The following DPYD variants were observed in gnomAD, a reference collection of about 807,000 sequenced individuals.
The protein encoded by DPYD is dihydropyrimidine dehydrogenase, also known as dihydropyrimidine dehydrogenase [NADP(+)].
In DPYD, 109 loss-of-function variants were observed where a neutral mutation model predicts 116.2. The ratio of observed to expected loss-of-function variants is 0.94; its 90% confidence interval spans 0.80 to 1.10. The LOEUF is 1.10. Ranked by LOEUF, DPYD falls within the 50% of genes least tolerant of loss-of-function variation. DPYD has a pLI of 0.00. For synonymous variants in DPYD, 440 were observed against 432.0 expected (o/e 1.02, Z -0.23); for missense variants, 1,302 against 1,254.5 (o/e 1.04, Z -0.57).
intron 13 of DPYD, among the ~76,000 whole-genome samples, chr1:97,476,510 T>A (rs1422770996): frequency 6.6e-6 from 1 of 152,128 alleles, no homozygotes; most frequent in African/African-American, 2.4e-5. Context: ...AATTTAATGA[T>A]AAAACTATGC....
chr1:97,308,332 ACCCTC>A (rs1178380028), intron 16 of DPYD: 2 of 151,776 alleles, frequency 1.3e-5, no homozygotes, highest in African/African-American at 4.8e-5. Flanking sequence ...AGTAAATTTG[ACCCTC>A]CATGAGTAAA....
At chr1:97,255,571 T>A (rs1663396523) in intron 18 of DPYD, among the ~76,000 whole-genome samples, 1 of 152,174 alleles carries the variant, frequency 6.6e-6, no homozygotes. Flanking sequence ...CTGTCATGAT[T>A]GTGAGGCTTC....
chr1:97,712,341 C>T (rs981986539), intron 5 of DPYD, among the ~76,000 whole-genome samples: 2 of 151,940 alleles, frequency 1.3e-5, no homozygotes, highest in South Asian at 4.2e-4. Context: ...CTATCCAGCC[C>T]AAAACTGACC....
intron 3 of DPYD, among the ~76,000 whole-genome samples, chr1:97,785,523 C>A (rs1180687698): frequency 6.6e-6 from 1 of 152,090 alleles, no homozygotes; most frequent in African/African-American, 2.4e-5. Context: ...CATCCATCAA[C>A]AGTCTTCAAT....
At chr1:97,339,576 T>C (rs552717822) in intron 16 of DPYD, among the ~76,000 whole-genome samples, 1 of 152,220 alleles carries the variant, frequency 6.6e-6, no homozygotes, top group East Asian at 1.9e-4. Flanking sequence ...CAATCAAGAA[T>C]TCAGAAAATA....
At chr1:97,212,726 CATTAAGT>C (rs570106499) in intron 19 of DPYD, among the ~76,000 whole-genome samples, 115 of 152,182 alleles carry the variant, frequency 7.6e-4, no homozygotes, top group Non-Finnish European at 1.1e-3. Flanking sequence ...TCCTCACCGT[CATTAAGT>C]ATTATCTGTC....
At chr1:97,763,182 T>C (rs576188044) in intron 3 of DPYD, among the ~76,000 whole-genome samples, 1 of 152,076 alleles carries the variant, frequency 6.6e-6, no homozygotes, top group Non-Finnish European at 1.5e-5. Context: ...TGGACACATC[T>C]ATCTCCCCCT....
intron 18 of DPYD, among the ~76,000 whole-genome samples, chr1:97,292,602 C>G (rs924143902): frequency 2.0e-5 from 3 of 152,102 alleles, no homozygotes; most frequent in East Asian, 1.9e-4. Flanking sequence ...AACCATATCA[C>G]AAGCCTATAT....
intron 8 of DPYD, among the ~76,000 whole-genome samples, chr1:97,658,322 T>G (rs1571143090): frequency 1.3e-5 from 2 of 152,150 alleles, no homozygotes; most frequent in Non-Finnish European, 2.9e-5. Context: ...CAAATGCTGA[T>G]CAAAATACAT....
intron 13 of DPYD, among the ~76,000 whole-genome samples, chr1:97,481,183 G>A (rs1391323782): frequency 1.3e-5 from 2 of 152,048 alleles, no homozygotes; most frequent in Non-Finnish European, 2.9e-5. Flanking sequence ...TTGAGAGGAC[G>A]CTCAACCTTA....
At chr1:97,753,572 CAT>C (rs1482494514) in intron 3 of DPYD, among the ~76,000 whole-genome samples, 2 of 152,056 alleles carry the variant, frequency 1.3e-5, no homozygotes, top group Non-Finnish European at 2.9e-5. Context: ...CCAAGCATAA[CAT>C]AGTCATTACT....
At chr1:97,437,746 A>T (rs1396071280) in intron 14 of DPYD, among the ~76,000 whole-genome samples, 1 of 152,008 alleles carries the variant, frequency 6.6e-6, no homozygotes, top group Non-Finnish European at 1.5e-5. Context: ...ATTTGTATCA[A>T]ATCACATATA....
At chr1:97,363,682 C>T (rs549291268) in intron 16 of DPYD, among the ~76,000 whole-genome samples, 1 of 152,268 alleles carries the variant, frequency 6.6e-6, no homozygotes, top group South Asian at 2.1e-4. Context: ...AACCATCATT[C>T]TGAGCAAACT....
intron 11 of DPYD, among the ~76,000 whole-genome samples, chr1:97,553,290 T>TATTTAATC (rs1314923663): frequency 6.6e-6 from 1 of 152,084 alleles, no homozygotes; most frequent in African/African-American, 2.4e-5. Flanking sequence ...TTATTTTAAT[T>TATTTAATC]ATTTAATCAT....
chr1:97,631,914 C>T (rs181151229), intron 8 of DPYD, among the ~76,000 whole-genome samples: 394 of 152,056 alleles, frequency 2.6e-3, no homozygotes, highest in Non-Finnish European at 4.7e-3. Flanking sequence ...TTTTTAAAGA[C>T]CCCTTTGAAA....
At chr1:97,621,473 T>C (rs1156540956) in intron 8 of DPYD, among the ~76,000 whole-genome samples, 1 of 152,154 alleles carries the variant, frequency 6.6e-6, no homozygotes, top group East Asian at 1.9e-4. Context: ...GAAATATGTA[T>C]GTATTAGCAT....
chr1:97,918,118 A>G (rs546585787), intron 1 of DPYD, among the ~76,000 whole-genome samples: 31 of 152,342 alleles, frequency 2.0e-4, no homozygotes, highest in African/African-American at 7.0e-4. Flanking sequence ...AAAAGCATAT[A>G]ACTACTATTA....
intron 16 of DPYD, among the ~76,000 whole-genome samples, chr1:97,324,050 A>T (rs1668579736): frequency 6.6e-6 from 1 of 152,000 alleles, no homozygotes; most frequent in Non-Finnish European, 1.5e-5. Flanking sequence ...GTTGTGCAGC[A>T]TCTCCTGACA....
chr1:97,304,560 T>C (rs1341056081), intron 18 of DPYD, among the ~76,000 whole-genome samples: 2 of 151,926 alleles, frequency 1.3e-5, no homozygotes, highest in Non-Finnish European at 2.9e-5. Flanking sequence ...TGGGGCACTG[T>C]TATGTTATGT....
Sources: allele counts gnomAD v4.1 joint callset (sites outside exome capture counted in the v4.1 genomes callset), GRCh38; gene constraint gnomAD v4.1.1; transcripts MANE v1.5; gene names NCBI Gene and HGNC (gene_info 2026-07-23, HGNC 2026-07-21).